CTRB2: variants seen among roughly 807,000 people sequenced by gnomAD.
CTRB2 encodes the protein chymotrypsin B2.
CTRB2 carries 9 observed loss-of-function variants against 19.3 expected under a neutral mutation model. The ratio of observed to expected loss-of-function variants is 0.47; its 90% CI spans 0.28 to 0.81. The LOEUF (loss-of-function observed/expected upper bound fraction) is 0.81, where lower values mean the gene tolerates loss of function less well. Among genes scored for constraint, CTRB2 ranks in the 40% least tolerant of loss-of-function variants. The pLI is 0.11. For synonymous variants in CTRB2, 98 were observed against 117.3 expected (o/e 0.84, Z 1.06); for missense variants, 210 against 269.7 (o/e 0.78, Z 1.55).
intron 1 of CTRB2, 41 bp downstream of exon 1, chr16:75,207,049 G>C: frequency 6.5e-7 from 1 of 1,541,034 alleles, no homozygotes; most frequent in East Asian, 2.4e-5. Flanking sequence ...CTGGGAGTGA[G>C]AGGAGAAAAC....
At chr16:75,204,439 C>T (rs925554556) in intron 6 of CTRB2, 117 bp from the exon 7 acceptor site, 438 of 1,065,562 alleles carry the variant, frequency 4.1e-4, no homozygotes, top group Non-Finnish European at 5.3e-4. Flanking sequence ...GGCATAGGGG[C>T]TGTGCCGGGG....
At chr16:75,206,305 C>T in intron 1 of CTRB2, 112 bp from the exon 2 acceptor site, 2 of 1,152,002 alleles carry the variant, frequency 1.7e-6, no homozygotes, top group South Asian at 3.2e-5. Context: ...CTGGCTCCCA[C>T]ATCCCCTTCT....
chr16:75,204,577 G>C (rs2038872281), intron 6 of CTRB2, among the ~76,000 whole-genome samples, 196 bp downstream of exon 6: 1 of 152,164 alleles, frequency 6.6e-6, no homozygotes, highest in African/African-American at 2.4e-5. Context: ...TCACAGGGCT[G>C]CAAGGAAGTC....
At chr16:75,206,974 G>A (rs1385901676) in intron 1 of CTRB2, 116 bp downstream of exon 1, 3 of 1,000,274 alleles carry the variant, frequency 3.0e-6, no homozygotes, top group Non-Finnish European at 4.6e-6. Flanking sequence ...ACTCGCCCAG[G>A]CCCACACTGC....
chr16:75,204,371 C>A (rs750466052), intron 6 of CTRB2, 49 bp from the exon 7 acceptor site: 6 of 1,567,024 alleles, frequency 3.8e-6, no homozygotes, highest in Non-Finnish European at 5.2e-6. Context: ...GGTGCCAGGG[C>A]CTAGGGGACC....
chr16:75,204,632 G>A, intron 6 of CTRB2, 141 bp downstream of exon 6: 1 of 1,486,564 alleles, frequency 6.7e-7, no homozygotes, highest in Non-Finnish European at 9.1e-7. Context: ...ACCCTCATGG[G>A]CGGCTGTGAC....
At chr16:75,206,621 G>C (rs2038896160) in intron 1 of CTRB2, 1 of 308,172 alleles carries the variant, frequency 3.2e-6, no homozygotes, top group South Asian at 3.9e-5. Flanking sequence ...CAGAGCGCCA[G>C]CTCTGCGCCT....
chr16:75,204,443 G>T, intron 6 of CTRB2, 121 bp from the exon 7 acceptor site: 1 of 1,044,872 alleles, frequency 9.6e-7, no homozygotes, highest in Non-Finnish European at 1.4e-6. Context: ...TAGGGGCTGT[G>T]CCGGGGTCCT....
At chr16:75,204,633 C>T (rs113083607) in intron 6 of CTRB2, 140 bp downstream of exon 6, 24 of 1,485,210 alleles carry the variant, frequency 1.6e-5, no homozygotes, top group Admixed American at 6.2e-5. Context: ...CCCTCATGGG[C>T]GGCTGTGACC....
In CTRB2 at chr16:75,206,710, C is replaced by T. The variant is rs374322750; in HGVS notation, c.52+380G>A. 46 of 370,764 alleles carry T rather than the reference C, an allele frequency of 1.2e-4. 2 individuals are homozygous for T. The highest frequency in any genetic ancestry group is 4.8e-4 in the African/African-American group (23 of 47,956). 23.0% of individuals were successfully genotyped at this position (370,764 alleles called of 1,614,324 possible). On this transcript the variant is annotated intron_variant, in intron 1 of 6. Coordinates refer to ENST00000303037, the MANE Select transcript of CTRB2 (RefSeq NM_001025200.4). Reference sequence around the variant, plus strand: ...TCTGAAAGGTTTGGACTGAACGGTGCCAAGCCCCAGCTGCCCACACATTCA... The same window carrying T: ...TCTGAAAGGTTTGGACTGAACGGTGTCAAGCCCCAGCTGCCCACACATTCA...
intron 5 of CTRB2, 62 bp from the exon 6 acceptor site, chr16:75,204,968 C>T (rs1482977849): frequency 3.6e-6 from 2 of 559,710 alleles, no homozygotes; most frequent in East Asian, 6.2e-5. Flanking sequence ...GAGGGAGAGA[C>T]CCGGGGCCGA....
chr16:75,206,143 CGAT>C lies in CTRB2; in HGVS notation c.100_102del (p.Ile34del), dbSNP rs2038887859. On this transcript the variant is annotated inframe_deletion, in exon 2 of 7. Coordinates refer to ENST00000303037, the MANE Select transcript of CTRB2 (RefSeq NM_001025200.4). ...CCGGGGACGGCGTCCTCCCCATTCACGATCCTGGACAGGCCGCTGAGCACAGGG... is the reference window on the plus strand; with the variant it reads ...CCGGGGACGGCGTCCTCCCCATTCACCCTGGACAGGCCGCTGAGCACAGGG... 6.5e-7 allele frequency: 1 copy of C among 1,547,766 alleles called. No homozygotes were observed. Among genetic ancestry groups the C allele is most frequent in the Non-Finnish European group, 8.7e-7 (1 of 1,144,688 alleles).
chr16:75,206,417 G>T (rs779306281), intron 1 of CTRB2: 30 of 586,600 alleles, frequency 5.1e-5, no homozygotes, highest in Non-Finnish European at 8.7e-5. Context: ...TGGGGTGTTG[G>T]CCCCACCTCA....
At chr16:75,207,031 C>A in intron 1 of CTRB2, 59 bp downstream of exon 1, 2 of 1,493,208 alleles carry the variant, frequency 1.3e-6, no homozygotes, top group Non-Finnish European at 1.8e-6. Flanking sequence ...CTCTTGCTGG[C>A]CTCGGGGCTG....
At chr16:75,204,676 G>C (rs1425035273) in intron 6 of CTRB2, 97 bp downstream of exon 6, 11 of 1,548,804 alleles carry the variant, frequency 7.1e-6, no homozygotes, top group Non-Finnish European at 9.6e-6. Flanking sequence ...CCCCAGGAGG[G>C]TGTGGGGTTA....
chr16:75,206,651 G>A lies in CTRB2; in HGVS notation c.52+439C>T, dbSNP rs116780994. On this transcript the variant is annotated intron_variant, in intron 1 of 6. Transcript: ENST00000303037. Reference sequence around the variant, plus strand: ...GCGCCTGGCACCCGGGAAGTGCTCCGTGAGCAGGAGTTTAAGAGGGTGAGG... The same window carrying A: ...GCGCCTGGCACCCGGGAAGTGCTCCATGAGCAGGAGTTTAAGAGGGTGAGG... 790 of 296,124 alleles carry A rather than the reference G, an allele frequency of 2.7e-3. 7 individuals are homozygous for A. Among genetic ancestry groups the A allele is most frequent in the African/African-American group, 0.015 (693 of 45,636 alleles). The allele number at this position is 296,124 out of a possible 1,614,324, so 18.3% of individuals were successfully genotyped here. A position where few individuals can be genotyped will look rare whatever the true frequency, so the allele number is the denominator to read the frequency against.
intron 1 of CTRB2, chr16:75,206,810 G>A: frequency 2.1e-6 from 1 of 480,746 alleles, no homozygotes; most frequent in Non-Finnish European, 3.9e-6. Flanking sequence ...CCGGACACCT[G>A]CCTCCTCCCC....
At chr16:75,206,778 C>T in intron 1 of CTRB2, 1 of 434,886 alleles carries the variant, frequency 2.3e-6, no homozygotes, top group South Asian at 2.1e-5. Context: ...TTGGGGGTTT[C>T]CCGAAGGCCT....
chr16:75,204,150 G>C lies in CTRB2; in HGVS notation c.*11C>G, dbSNP rs570589360. On this transcript the variant is annotated 3_prime_UTR_variant, in exon 7 of 7. Transcript: ENST00000303037. The stretch of plus-strand genomic sequence containing the variant: ...GGAAATCTTAAGGCAGGGGTGGCAG[G>C]AGCTGCGGGCTCAGTTGGCGGCCAG... 1 of 1,614,156 alleles carries C rather than the reference G, an allele frequency of 6.2e-7. No homozygotes were observed. The highest frequency in any genetic ancestry group is 1.3e-5 in the African/African-American group (1 of 75,024).
Sources: gnomAD v4.1 joint callset for allele counts (sites outside exome capture counted in the v4.1 genomes callset) on GRCh38, gnomAD v4.1.1 for gene constraint, MANE v1.5 for transcripts, NCBI Gene and HGNC (gene_info 2026-07-23, HGNC 2026-07-21) for gene names.